Variants in CACNA1B observed in about 807,000 individuals in gnomAD.
The protein encoded by CACNA1B is voltage-dependent N-type calcium channel subunit alpha-1B.
In CACNA1B, 70 loss-of-function variants were observed where a neutral mutation model predicts 247.2. The observed-to-expected ratio is 0.28, with a 90% CI of 0.23 to 0.35. The LOEUF (loss-of-function observed/expected upper bound fraction) is 0.35, where lower values mean the gene tolerates loss of function less well. Ranked by LOEUF, CACNA1B falls within the 10% of genes least tolerant of loss-of-function variation. The pLI is 1.00. For synonymous variants in CACNA1B, 1,231 were observed against 1,294.4 expected, an observed-to-expected ratio of 0.95 and a Z score of 1.05; for missense variants, 2,367 against 3,197.4, an observed-to-expected ratio of 0.74 and a Z score of 6.26.
At chr9:137,946,769 A>G (rs1957801459) in intron 6 of CACNA1B, among the ~76,000 whole-genome samples, 1 of 152,224 alleles carries the variant, frequency 6.6e-6, no homozygotes, top group South Asian at 2.1e-4. Flanking sequence ...TGAGTTGGAA[A>G]GAGAGACAGA....
chr9:138,096,001 G>A (rs1166687406), intron 36 of CACNA1B, among the ~76,000 whole-genome samples: 1 of 152,140 alleles, frequency 6.6e-6, no homozygotes, highest in Admixed American at 6.5e-5. Context: ...CTTCGGGAAC[G>A]ACGAAAAAAG....
chr9:138,063,783 C>T (rs535276928), intron 31 of CACNA1B, among the ~76,000 whole-genome samples: 18 of 152,220 alleles, frequency 1.2e-4, no homozygotes, highest in Non-Finnish European at 2.5e-4. Context: ...CTTGCACAGT[C>T]CATACTGGTG....
At position 138,122,004 on chromosome 9, in the gene CACNA1B, A is replaced by G. The variant is rs749844643; in HGVS notation, c.*5A>G. On this transcript the variant is annotated 3_prime_UTR_variant, in exon 47 of 47. Transcript: ENST00000371372. ...GACCAAGACCACTGGTGCTAGCTGCACCGTGACCGCTCAGACGCCTGCATG... is the reference window on the plus strand; with the variant it reads ...GACCAAGACCACTGGTGCTAGCTGCGCCGTGACCGCTCAGACGCCTGCATG... The G allele has an allele frequency of 2.0e-5, 32 of 1,593,970 alleles. No individual in the cohort carries two copies. In the South Asian group the frequency reaches 3.4e-4, roughly 17 times the overall value.
chr9:138,025,817 C>G (rs901281842), intron 20 of CACNA1B, among the ~76,000 whole-genome samples: 1 of 152,170 alleles, frequency 6.6e-6, no homozygotes, highest in Non-Finnish European at 1.5e-5. Flanking sequence ...CTGCTGGTTA[C>G]AAATACAGGC....
chr9:137,958,116 A>G (rs1240386192), intron 10 of CACNA1B, among the ~76,000 whole-genome samples: 1 of 144,398 alleles, frequency 6.9e-6, no homozygotes, highest in Non-Finnish European at 1.5e-5. Context: ...GTCAGATCCA[A>G]TCTGGACTTC....
At chr9:138,066,795 G>T (rs577068971) in intron 31 of CACNA1B, among the ~76,000 whole-genome samples, 3 of 152,178 alleles carry the variant, frequency 2.0e-5, no homozygotes, top group Admixed American at 2.0e-4. Flanking sequence ...AAAGAAAACG[G>T]TGTAAAAATT....
At chr9:138,000,707 A>G (rs1291785590) in intron 15 of CACNA1B, among the ~76,000 whole-genome samples, 2 of 152,224 alleles carry the variant, frequency 1.3e-5, no homozygotes, top group African/African-American at 2.4e-5. Flanking sequence ...CCAGAACGCA[A>G]GCTCCATGGG....
Position 138,120,363 on chromosome 9 carries a change from A to T in CACNA1B, c.6229A>T (p.Met2077Leu). 6.4e-7 allele frequency: 1 copy of T among 1,553,958 alleles called. No individual in the cohort carries two copies. The highest frequency in any genetic ancestry group is 8.6e-7 in the Non-Finnish European group (1 of 1,156,130). ...LEKGPSLSAD[M>L]DGAPSSAVGP... ...GAAGGGGCCCAGCCTGTCTGCCGAT[A>T]TGGATGGCGGTGCGTGCGGAGGGGC... The change falls in exon 45 of 47, where the codon ATG becomes TTG. Residue 2077 changes from methionine (M) to leucine (L), a missense_variant. Physicochemically the swap from Met to Leu is conservative, Grantham distance 15. Around this residue, in one of 12 missense-constraint regions of CACNA1B, gnomAD observed 773 missense variants for 779.4 expected, o/e 0.99. Coordinates refer to ENST00000371372, the MANE Select transcript of CACNA1B (RefSeq NM_000718.4).
At chr9:137,965,583 T>TGA (rs1958065462) in intron 10 of CACNA1B, among the ~76,000 whole-genome samples, 1 of 151,004 alleles carries the variant, frequency 6.6e-6, no homozygotes, top group Admixed American at 6.6e-5. Context: ...TTTTATTTAT[T>TGA]TATTTATTTA....
intron 6 of CACNA1B, among the ~76,000 whole-genome samples, chr9:137,934,866 A>G (rs1957647106): frequency 6.6e-6 from 1 of 152,212 alleles, no homozygotes; most frequent in African/African-American, 2.4e-5. Flanking sequence ...GACAGAGCCT[A>G]CCAAAATGAG....
At chr9:137,908,911 G>A (rs1303733540) in intron 3 of CACNA1B, among the ~76,000 whole-genome samples, 1 of 152,028 alleles carries the variant, frequency 6.6e-6, no homozygotes, top group African/African-American at 2.4e-5. Flanking sequence ...GATTATGGGC[G>A]TGAGCCACCA....
chr9:137,897,405 C>T (rs2133253306), intron 3 of CACNA1B, among the ~76,000 whole-genome samples: 1 of 152,176 alleles, frequency 6.6e-6, no homozygotes. Flanking sequence ...CATGGTGAAA[C>T]CCCATCTCTA....
chr9:137,934,475 A>C (rs1355722520), intron 6 of CACNA1B, among the ~76,000 whole-genome samples: 2 of 152,214 alleles, frequency 1.3e-5, no homozygotes, highest in East Asian at 3.8e-4. Flanking sequence ...CAGCCTGTGG[A>C]GGATTGTATC....
intron 10 of CACNA1B, among the ~76,000 whole-genome samples, chr9:137,970,266 C>T (rs1958130975): frequency 1.3e-5 from 2 of 152,212 alleles, no homozygotes; most frequent in African/African-American, 4.8e-5. Flanking sequence ...TGGGGCACAG[C>T]TGTCTGCTCT....
chr9:138,064,503 C>A (rs1400116081), intron 31 of CACNA1B, among the ~76,000 whole-genome samples: 5 of 152,234 alleles, frequency 3.3e-5, no homozygotes, highest in Non-Finnish European at 7.3e-5. Flanking sequence ...CTTTTGAATT[C>A]TATATTTACA....
Position 138,023,080 on chromosome 9 carries a change from C to T in CACNA1B, c.2337C>T (p.Asn779=). The change falls in exon 19 of 47, where the codon AAC becomes AAT. Residue 779 remains asparagine, a synonymous_variant. Transcript: ENST00000371372. ...GGGCCAGCCAGCTACGGCTGCAGAACCTGCGGGCCAGCTGCGAGGCGCTGT... is the reference window on the plus strand; with the variant it reads ...GGGCCAGCCAGCTACGGCTGCAGAATCTGCGGGCCAGCTGCGAGGCGCTGT... ...EQRASQLRLQ[N]LRASCEALYS... 1 of 1,529,746 alleles carries T rather than the reference C, an allele frequency of 6.5e-7. No homozygotes were observed. The highest frequency in any genetic ancestry group is 2.5e-5 in the East Asian group (1 of 39,964). 94.8% of individuals were successfully genotyped at this position (1,529,746 alleles called of 1,614,324 possible). A position where few individuals can be genotyped will look rare whatever the true frequency, so the allele number is the denominator to read the frequency against.
chr9:138,002,562 AAAT>A, intron 15 of CACNA1B, among the ~76,000 whole-genome samples: 1 of 151,108 alleles, frequency 6.6e-6, no homozygotes, highest in East Asian at 1.9e-4. Flanking sequence ...AAAAAAAAAA[AAAT>A]AGCTGATGGT....
chr9:138,047,114 G>A, intron 22 of CACNA1B, 81 bp downstream of exon 22: 2 of 1,362,564 alleles, frequency 1.5e-6, no homozygotes, highest in Non-Finnish European at 2.0e-6. Flanking sequence ...AGGGGCTGGG[G>A]TGGGGCTGAG....
chr9:137,917,498 G>T lies in CACNA1B; in HGVS notation c.966+67G>T. The stretch of plus-strand genomic sequence containing the variant: ...ACCTCCTGAGCTGGTGCCTCTGGGG[G>T]TCCATTTAGGGGGGCCCTTCTGACC... On this transcript the variant is annotated intron_variant, in intron 6 of 46. Coordinates refer to ENST00000371372, the MANE Select transcript of CACNA1B (RefSeq NM_000718.4). This position sits in a 1 kb window ranked among gnomAD's most constrained non-coding sequence, Gnocchi z 5.5. The T allele has an allele frequency of 1.4e-6, 2 of 1,417,768 alleles. No homozygotes were observed. The highest frequency in any genetic ancestry group is 1.4e-5 in the African/African-American group (1 of 70,816). 87.8% of individuals were successfully genotyped at this position (1,417,768 alleles called of 1,614,324 possible).
Sources: allele counts gnomAD v4.1 joint callset (sites outside exome capture counted in the v4.1 genomes callset), GRCh38; gene constraint gnomAD v4.1.1; regional missense constraint gnomAD v4.1.1; non-coding constraint Gnocchi (gnomAD v3.1); transcripts MANE v1.5; gene names NCBI Gene and HGNC (gene_info 2026-07-23, HGNC 2026-07-21).